RASAL2: variants seen among roughly 807,000 people sequenced by gnomAD.
RASAL2 encodes RAS protein activator like 2, also known as ras GTPase-activating protein nGAP.
Under a neutral mutation model 128.9 loss-of-function variants are expected in RASAL2, and 58 were observed. That is an observed-to-expected ratio of 0.45 (90% CI 0.36 to 0.56). The LOEUF (loss-of-function observed/expected upper bound fraction) is 0.56, where lower values mean the gene tolerates loss of function less well. Among genes scored for constraint, RASAL2 ranks in the 20% least tolerant of loss-of-function variants. The pLI is 0.00. For synonymous variants in RASAL2, 561 were observed against 580.8 expected (o/e 0.97, Z 0.49); for missense variants, 1,360 against 1,601.6 (o/e 0.85, Z 2.57).
chr1:178,455,846 C>T (rs1677732193), intron 12 of RASAL2, among the ~76,000 whole-genome samples: 1 of 152,074 alleles, frequency 6.6e-6, no homozygotes, highest in African/African-American at 2.4e-5. Context: ...AATAAGAATT[C>T]CCTAAATAAA....
intron 2 of RASAL2, 92 bp from the exon 3 acceptor site, chr1:178,299,900 T>C (rs1667686838): frequency 7.5e-7 from 1 of 1,333,640 alleles, no homozygotes; most frequent in South Asian, 1.4e-5. Flanking sequence ...TGTTACACAC[T>C]CCTGTCTTCT....
rs1038618819 is a variant in RASAL2, at chr1:178,144,000, C to A, written c.202+49306C>A. On this transcript the variant is annotated intron_variant, in intron 1 of 17. Coordinates refer to ENST00000367649, the MANE Select transcript of RASAL2 (RefSeq NM_170692.4). Reference sequence around the variant, plus strand: ...TATTACCTACTATCAGGAATAATTTCTTTTCACTCTCTCATTATTCTTGTC... The same window carrying A: ...TATTACCTACTATCAGGAATAATTTATTTTCACTCTCTCATTATTCTTGTC... 2.0e-5 allele frequency among the ~76,000 whole-genome samples: 3 copies of A among 152,034 alleles called. No individual in the cohort carries two copies. In the South Asian group the frequency reaches 6.2e-4, roughly 32 times the overall value.
intron 3 of RASAL2, among the ~76,000 whole-genome samples, chr1:178,371,680 G>C (rs1264723976): frequency 2.0e-5 from 3 of 152,250 alleles, no homozygotes; most frequent in Non-Finnish European, 4.4e-5. Context: ...AAAGCAGGAA[G>C]GGGAAGGGGG....
chr1:178,155,171 A>C (rs757168011), intron 1 of RASAL2, among the ~76,000 whole-genome samples: 2 of 152,152 alleles, frequency 1.3e-5, no homozygotes, highest in Non-Finnish European at 2.9e-5. Context: ...TAATCTAGAT[A>C]TAGTAGCAGG....
intron 11 of RASAL2, among the ~76,000 whole-genome samples, chr1:178,453,336 G>A (rs1422156082): frequency 6.6e-6 from 1 of 151,500 alleles, no homozygotes; most frequent in African/African-American, 2.4e-5. Flanking sequence ...TTATTCTGAA[G>A]AAATGGACGC....
At chr1:178,230,885 C>A (rs780685432) in intron 1 of RASAL2, among the ~76,000 whole-genome samples, 1 of 152,124 alleles carries the variant, frequency 6.6e-6, no homozygotes, top group Admixed American at 6.5e-5. Context: ...CCCGCATGCA[C>A]AGGGGCCTGC....
intron 1 of RASAL2, among the ~76,000 whole-genome samples, chr1:178,112,816 G>T (rs895472003): frequency 6.7e-6 from 1 of 149,640 alleles, no homozygotes; most frequent in East Asian, 2.0e-4. Flanking sequence ...GCTAGATGAC[G>T]AGTTAGTGGG....
chr1:178,320,520 A>G (rs992028769), intron 3 of RASAL2, among the ~76,000 whole-genome samples: 1 of 152,214 alleles, frequency 6.6e-6, no homozygotes, highest in Non-Finnish European at 1.5e-5. Context: ...AGCCGGTCTG[A>G]AAAGCGCAAT....
chr1:178,190,386 A>T (rs1662451040), intron 1 of RASAL2, among the ~76,000 whole-genome samples: 1 of 152,184 alleles, frequency 6.6e-6, no homozygotes, highest in African/African-American at 2.4e-5. Flanking sequence ...AAGGCCTTAC[A>T]CACAGAGTGG....
At chr1:178,268,658 T>C (rs939826554) in intron 1 of RASAL2, among the ~76,000 whole-genome samples, 1 of 152,078 alleles carries the variant, frequency 6.6e-6, no homozygotes, top group African/African-American at 2.4e-5. Flanking sequence ...TATTGCTTGC[T>C]CCTTTGTCCA....
At chr1:178,095,625 C>T (rs1658649181) in intron 1 of RASAL2, among the ~76,000 whole-genome samples, 1 of 152,194 alleles carries the variant, frequency 6.6e-6, no homozygotes, top group South Asian at 2.1e-4. Flanking sequence ...GCATCTAAGC[C>T]TGTAGTGATC....
At chr1:178,146,962 G>A (rs926089989) in intron 1 of RASAL2, among the ~76,000 whole-genome samples, 5 of 152,136 alleles carry the variant, frequency 3.3e-5, no homozygotes, top group Admixed American at 1.3e-4. Flanking sequence ...AGCATAAAAT[G>A]TTTCCTTTTA....
At chr1:178,207,163 A>G (rs1393868436) in intron 1 of RASAL2, among the ~76,000 whole-genome samples, 1 of 152,016 alleles carries the variant, frequency 6.6e-6, no homozygotes, top group Non-Finnish European at 1.5e-5. Context: ...AAAAAAAAAA[A>G]AAAAAGTAAT....
intron 4 of RASAL2, among the ~76,000 whole-genome samples, chr1:178,397,087 T>G (rs1673284637): frequency 6.6e-6 from 1 of 152,202 alleles, no homozygotes; most frequent in Non-Finnish European, 1.5e-5. Flanking sequence ...AAACATTAAA[T>G]GTAGAGTTTC....
intron 1 of RASAL2, among the ~76,000 whole-genome samples, chr1:178,139,501 A>G (rs1660454198): frequency 6.6e-6 from 1 of 152,062 alleles, no homozygotes; most frequent in Admixed American, 6.5e-5. Context: ...TTTAAAAGTT[A>G]CTCCTTACTA....
intron 3 of RASAL2, among the ~76,000 whole-genome samples, chr1:178,333,154 G>A (rs574514760): frequency 3.8e-4 from 57 of 151,052 alleles, no homozygotes; most frequent in African/African-American, 1.2e-3. Context: ...TCAGCCTCCC[G>A]AGTAGCTGGG....
At chr1:178,205,349 G>C (rs1030104135) in intron 1 of RASAL2, among the ~76,000 whole-genome samples, 6 of 152,080 alleles carry the variant, frequency 3.9e-5, no homozygotes, top group Non-Finnish European at 1.5e-5. Context: ...TGAATTAACA[G>C]GCTATACCAG....
chr1:178,106,584 A>G (rs1277364196), intron 1 of RASAL2, among the ~76,000 whole-genome samples: 1 of 152,212 alleles, frequency 6.6e-6, no homozygotes, highest in African/African-American at 2.4e-5. Flanking sequence ...TTTGCTTTTA[A>G]TGTTGTCTAG....
At chr1:178,268,849 A>G (rs1436051778) in intron 1 of RASAL2, among the ~76,000 whole-genome samples, 2 of 152,194 alleles carry the variant, frequency 1.3e-5, no homozygotes, top group Non-Finnish European at 1.5e-5. Context: ...TACTGCTGCA[A>G]TCAGGACTGG....
Sources: gnomAD v4.1 joint callset for allele counts (sites outside exome capture counted in the v4.1 genomes callset) on GRCh38, gnomAD v4.1.1 for gene constraint, MANE v1.5 for transcripts, NCBI Gene and HGNC (gene_info 2026-07-23, HGNC 2026-07-21) for gene names.